Variants in ADGRL3 observed in about 807,000 individuals in gnomAD.
The protein encoded by ADGRL3 is calcium-independent alpha-latrotoxin receptor 3.
A neutral mutation model predicts 153.5 loss-of-function variants in ADGRL3; 62 were observed. That is an observed-to-expected ratio of 0.40 (90% CI 0.33 to 0.50). The LOEUF is 0.50. Among genes scored for constraint, ADGRL3 ranks in the 20% least tolerant of loss-of-function variants. The pLI is 0.47. For missense variants in ADGRL3, 1,641 were observed against 1,859.4 expected (o/e 0.88, Z 2.16); for synonymous variants, 710 against 672.5 (o/e 1.06, Z -0.86).
At chr4:61,302,979 G>T (rs1243868118) in intron 1 of ADGRL3, among the ~76,000 whole-genome samples, 2 of 151,894 alleles carry the variant, frequency 1.3e-5, no homozygotes, top group East Asian at 3.9e-4. Context: ...AATATATTAG[G>T]ACTTTCCAAA....
chr4:61,892,536 C>T lies in ADGRL3; in HGVS notation c.1481-120C>T, dbSNP rs1290865490. 10 of 720,814 alleles carry T rather than the reference C, an allele frequency of 1.4e-5. No individual in the cohort carries two copies. In the East Asian group the frequency reaches 2.7e-4, roughly 19 times the overall value. 44.7% of individuals were successfully genotyped at this position (720,814 alleles called of 1,614,324 possible). ...TTTAAAATGAAAATCAGGTTGAAGA[C>T]TTCTAGAGCTTTAAAGCTCTTTGAA... On this transcript the variant is annotated intron_variant, in intron 9 of 26. Coordinates refer to ENST00000683033, the MANE Select transcript of ADGRL3 (RefSeq NM_001387552.1).
chr4:61,972,606 T>G (rs2099032704), intron 17 of ADGRL3, among the ~76,000 whole-genome samples: 1 of 152,186 alleles, frequency 6.6e-6, no homozygotes, highest in Admixed American at 6.5e-5. Context: ...CCTCCAGCTT[T>G]GTTCTTTTGG....
chr4:61,498,860 C>G (rs963674875), intron 3 of ADGRL3, among the ~76,000 whole-genome samples: 1 of 152,082 alleles, frequency 6.6e-6, no homozygotes, highest in Non-Finnish European at 1.5e-5. Context: ...GTATGTTCCT[C>G]TTACACAATT....
In ADGRL3 at chr4:61,735,067, G is replaced by A. The variant is rs146574638; in HGVS notation, c.1399+1513G>A. Among the ~76,000 whole-genome samples, 1,366 of 152,264 alleles carry A rather than the reference G, an allele frequency of 9.0e-3. 30 individuals are homozygous for A. Among genetic ancestry groups the A allele is most frequent in the African/African-American group, 0.031 (1,295 of 41,554 alleles). ...AGTATATGCATATCTTTTTACTGAA[G>A]TAGATTCTAAGTTTTTTATGGCCAA... is the stretch of plus-strand genomic sequence containing the variant. On this transcript the variant is annotated intron_variant, in intron 8 of 26. Transcript: ENST00000683033.
At chr4:61,757,555 C>T (rs992517408) in intron 8 of ADGRL3, among the ~76,000 whole-genome samples, 1 of 152,018 alleles carries the variant, frequency 6.6e-6, no homozygotes, top group Non-Finnish European at 1.5e-5. Context: ...TTTTGTTGAT[C>T]TTTTCAAAAA....
At chr4:61,360,761 C>T (rs1012819931) in intron 1 of ADGRL3, among the ~76,000 whole-genome samples, 3 of 152,126 alleles carry the variant, frequency 2.0e-5, no homozygotes, top group Non-Finnish European at 2.9e-5. Context: ...TCATATACCA[C>T]ATACTAGAAA....
At chr4:61,594,672 C>A (rs1234347526) in intron 5 of ADGRL3, among the ~76,000 whole-genome samples, 1 of 152,076 alleles carries the variant, frequency 6.6e-6, no homozygotes, top group African/African-American at 2.4e-5. Flanking sequence ...TGGAATCACC[C>A]CTGTGACCAC....
intron 1 of ADGRL3, among the ~76,000 whole-genome samples, chr4:61,207,781 G>A (rs190989795): frequency 6.6e-6 from 1 of 152,208 alleles, no homozygotes; most frequent in East Asian, 1.9e-4. Flanking sequence ...GTTTTGATTT[G>A]CATTTCTCTA....
At chr4:61,832,975 A>G (rs543007307) in intron 9 of ADGRL3, among the ~76,000 whole-genome samples, 5 of 152,160 alleles carry the variant, frequency 3.3e-5, no homozygotes, top group Middle Eastern at 3.4e-3. Flanking sequence ...GAGTTCATGT[A>G]GAGCCATGTA....
chr4:61,520,586 T>A (rs1489288331), intron 4 of ADGRL3, among the ~76,000 whole-genome samples: 1 of 151,840 alleles, frequency 6.6e-6, no homozygotes, highest in Non-Finnish European at 1.5e-5. Flanking sequence ...TAATCTTTTT[T>A]CAAAAAAACT....
intron 25 of ADGRL3, among the ~76,000 whole-genome samples, chr4:62,050,769 G>C (rs1473536162): frequency 1.3e-5 from 2 of 151,812 alleles, no homozygotes; most frequent in Non-Finnish European, 2.9e-5. Context: ...AAGCTTTGCT[G>C]TTCTGAAGGA....
intron 17 of ADGRL3, among the ~76,000 whole-genome samples, chr4:61,955,692 C>A (rs1035826636): frequency 1.3e-5 from 2 of 152,092 alleles, no homozygotes; most frequent in East Asian, 1.9e-4. Context: ...CCTCACCCCC[C>A]AATCCCACAA....
At chr4:61,645,250 C>T (rs555822725) in intron 5 of ADGRL3, among the ~76,000 whole-genome samples, 10 of 152,224 alleles carry the variant, frequency 6.6e-5, no homozygotes, top group African/African-American at 2.4e-4. Context: ...ATTTGCCAGT[C>T]TGTGTCTTTT....
At chr4:61,904,345 C>T (rs888031607) in intron 11 of ADGRL3, among the ~76,000 whole-genome samples, 23 of 151,938 alleles carry the variant, frequency 1.5e-4, no homozygotes, top group Non-Finnish European at 2.4e-4. Flanking sequence ...GATGGGGTTT[C>T]GCTGTGTTGC....
intron 21 of ADGRL3, among the ~76,000 whole-genome samples, chr4:62,004,402 A>G (rs2099150774): frequency 6.6e-6 from 1 of 151,972 alleles, no homozygotes; most frequent in Non-Finnish European, 1.5e-5. Context: ...TCAATTGCAG[A>G]GTTGTCTGGA....
rs371508867 is a variant in ADGRL3, at chr4:61,979,587, C to A, written c.2830C>A (p.Leu944Ile). ...GCACAGTGATGCGGTCCATGACCTC[C>A]TTCTGGATGTGATCACGTGGGTTGG... ...VKHSDAVHDL[L>I]LDVITWVGIL... Residue 944 changes from leucine to isoleucine, a missense_variant, in exon 18 of 27, where the codon CTT (leucine) becomes ATT (isoleucine). By Grantham distance (5) the Leu-to-Ile change is conservative. This residue lies in a region of ADGRL3 where 734 missense variants were observed against 797.0 expected (regional missense o/e 0.92). Coordinates refer to ENST00000683033, the MANE Select transcript of ADGRL3 (RefSeq NM_001387552.1). 56 of 1,613,782 alleles carry A rather than the reference C, an allele frequency of 3.5e-5. No individual in the cohort carries two copies. The highest frequency in any genetic ancestry group is 4.7e-5 in the Non-Finnish European group (55 of 1,179,876).
chr4:61,554,923 A>G (rs1385541946), intron 4 of ADGRL3, among the ~76,000 whole-genome samples: 1 of 152,188 alleles, frequency 6.6e-6, no homozygotes, highest in Non-Finnish European at 1.5e-5. Context: ...TGGAGAAGAT[A>G]TTAGACAAAG....
chr4:62,035,844 A>AT (rs1421234185), intron 23 of ADGRL3, among the ~76,000 whole-genome samples: 2 of 152,050 alleles, frequency 1.3e-5, no homozygotes, highest in African/African-American at 4.8e-5. Flanking sequence ...GTTTACTCTC[A>AT]TTGCTTAACC....
chr4:61,881,526 A>T (rs2149484619), intron 9 of ADGRL3, among the ~76,000 whole-genome samples: 1 of 152,262 alleles, frequency 6.6e-6, no homozygotes, highest in East Asian at 1.9e-4. Context: ...TTACAGGCGC[A>T]TGCCACCATG....
Sources: allele counts gnomAD v4.1 joint callset (sites outside exome capture counted in the v4.1 genomes callset), GRCh38; gene constraint gnomAD v4.1.1; regional missense constraint gnomAD v4.1.1; transcripts MANE v1.5; gene names NCBI Gene and HGNC (gene_info 2026-07-23, HGNC 2026-07-21).